GAGE1: variants seen among roughly 807,000 people sequenced by gnomAD.
The protein encoded by GAGE1 is G antigen 1.
GAGE1 carries 5 observed loss-of-function variants against 5.0 expected under a neutral mutation model. The observed-to-expected ratio is 1.00, with a 90% confidence interval of 0.52 to 2.11. The LOEUF (loss-of-function observed/expected upper bound fraction) is 2.11, where lower values mean the gene tolerates loss of function less well. Among genes scored for constraint, GAGE1 ranks in the 30% most tolerant of loss-of-function variants. GAGE1 has a pLI of 0.01. For synonymous variants in GAGE1, 6 were observed against 14.8 expected, an observed-to-expected ratio of 0.40 and a Z score of 1.37; for missense variants, 9 against 38.9, an observed-to-expected ratio of 0.23 and a Z score of 2.04.
At position 49,606,803 on chromosome X, in the gene GAGE1, A is replaced by C. The variant is rs1041015424; in HGVS notation, c.*788A>C. On this transcript the variant is annotated 3_prime_UTR_variant, in exon 5 of 5. Transcript: ENST00000381700. ...AATTGAGATTTCTTTGCTACTAAGAAAGTGAGCGGGCACTCTGCTTCATGT... is the reference window on the plus strand; with the variant it reads ...AATTGAGATTTCTTTGCTACTAAGACAGTGAGCGGGCACTCTGCTTCATGT... 3 of 112,159 alleles carry C rather than the reference A, an allele frequency of 2.7e-5. No homozygotes were observed. Among genetic ancestry groups the C allele is most frequent in the Non-Finnish European group, 5.6e-5 (3 of 53,310 alleles). 9.2% of individuals were successfully genotyped at this position (112,159 alleles called of 1,213,427 possible).
At chrX:49,602,233 G>A (rs2066614294) in intron 3 of GAGE1, among the ~76,000 whole-genome samples, 1 of 112,534 alleles carries the variant, frequency 8.9e-6, no homozygotes, top group Admixed American at 9.4e-5. Flanking sequence ...CAGATGCAAA[G>A]TTTTTGTGCC....
intron 4 of GAGE1, chrX:49,605,151 G>C (rs1346661472): frequency 1.2e-5 from 12 of 1,001,267 alleles, no homozygotes; most frequent in Non-Finnish European, 1.4e-5. Flanking sequence ...GTAAGTCAGT[G>C]ATGCTCAGCA....
At chrX:49,604,914 C>G (rs1317101344) in intron 4 of GAGE1, 4 of 344,528 alleles carry the variant, frequency 1.2e-5, no homozygotes, top group Non-Finnish European at 2.0e-5. Flanking sequence ...CTAAAGCAGT[C>G]CTCCCACCTC....
At chrX:49,604,420 A>C (rs1191894477) in intron 4 of GAGE1, among the ~76,000 whole-genome samples, 1 of 112,598 alleles carries the variant, frequency 8.9e-6, no homozygotes, top group Non-Finnish European at 1.9e-5. Flanking sequence ...ACTTGGTGTG[A>C]AAAATGCTGA....
In GAGE1 at chrX:49,606,037, G is replaced by T. The variant is rs1557132193; in HGVS notation, c.*22G>T. 3 of 1,039,322 alleles carry T rather than the reference G, an allele frequency of 2.9e-6. No individual in the cohort carries two copies. Among genetic ancestry groups the T allele is most frequent in the Non-Finnish European group, 3.8e-6 (3 of 798,427 alleles). 85.7% of individuals were successfully genotyped at this position (1,039,322 alleles called of 1,213,427 possible). ...TTAAAAGAAGACATGCTGAAATGTT[G>T]CAGGCTGCTCCTATGTTGGAAAATT... On this transcript the variant is annotated 3_prime_UTR_variant, in exon 5 of 5. Coordinates refer to ENST00000381700, the MANE Select transcript of GAGE1 (RefSeq NM_001040663.4).
chrX:49,604,184 C>T (rs1300380452), intron 4 of GAGE1, among the ~76,000 whole-genome samples: 5 of 112,530 alleles, frequency 4.4e-5, no homozygotes, highest in Non-Finnish European at 7.5e-5. Flanking sequence ...AGAGAGTTAA[C>T]AATACTGCCT....
chrX:49,606,795 T>C lies in GAGE1; in HGVS notation c.*780T>C, dbSNP rs2066662153. The C allele has an allele frequency of 8.9e-6, 1 of 112,246 alleles. No individual in the cohort carries two copies. The highest frequency in any genetic ancestry group is 3.7e-4 in the South Asian group (1 of 2,698). The allele number at this position is 112,246 out of a possible 1,213,427, so 9.3% of individuals were successfully genotyped here. A position where few individuals can be genotyped will look rare whatever the true frequency, so the allele number is the denominator to read the frequency against. On this transcript the variant is annotated 3_prime_UTR_variant, in exon 5 of 5. Coordinates refer to ENST00000381700, the MANE Select transcript of GAGE1 (RefSeq NM_001040663.4). ...AACATGTGAATTGAGATTTCTTTGCTACTAAGAAAGTGAGCGGGCACTCTG... is the reference window on the plus strand; with the variant it reads ...AACATGTGAATTGAGATTTCTTTGCCACTAAGAAAGTGAGCGGGCACTCTG...
At chrX:49,604,429 G>T (rs782213624) in intron 4 of GAGE1, among the ~76,000 whole-genome samples, 1 of 112,554 alleles carries the variant, frequency 8.9e-6, no homozygotes, top group East Asian at 2.8e-4. Flanking sequence ...GAAAAATGCT[G>T]AAGCACTCAT....
At chrX:49,604,735 A>G (rs1404428970) in intron 4 of GAGE1, among the ~76,000 whole-genome samples, 1 of 112,150 alleles carries the variant, frequency 8.9e-6, no homozygotes, top group Non-Finnish European at 1.9e-5. Context: ...ACTCTGCTTC[A>G]TCCTAGTTTT....
At chrX:49,604,197 T>G (rs1260782368) in intron 4 of GAGE1, among the ~76,000 whole-genome samples, 1 of 112,478 alleles carries the variant, frequency 8.9e-6, no homozygotes, top group Non-Finnish European at 1.9e-5. Context: ...TACTGCCTCT[T>G]TAGTAAAGAG....
At chrX:49,604,957 G>A (rs782310298) in intron 4 of GAGE1, 5 of 669,521 alleles carry the variant, frequency 7.5e-6, no homozygotes, top group East Asian at 7.3e-5. Flanking sequence ...ACATGCACAA[G>A]CCAACGTACC....
rs1292802576 is a variant in GAGE1 at position 49,606,919 on chromosome X, GT to G, written c.*910del. The G allele has an allele frequency of 3.6e-5, 4 of 111,943 alleles. No homozygotes were observed. The highest frequency in any genetic ancestry group is 2.8e-4 in the East Asian group (1 of 3,581). The allele number at this position is 111,943 out of a possible 1,213,427, so 9.2% of individuals were successfully genotyped here. A position where few individuals can be genotyped will look rare whatever the true frequency, so the allele number is the denominator to read the frequency against. ...AATCATCTATTGTGATTACCACAGG[GT>G]TTTTTCCCCCAGTAATCTGTTTATG... On this transcript the variant is annotated 3_prime_UTR_variant, in exon 5 of 5. Coordinates refer to ENST00000381700, the MANE Select transcript of GAGE1 (RefSeq NM_001040663.4).
intron 4 of GAGE1, chrX:49,605,170 A>C: frequency 1.0e-6 from 1 of 983,431 alleles, no homozygotes; most frequent in Middle Eastern, 3.4e-4. Context: ...CATGGGTGTG[A>C]GTAAGATGCC....
rs2066665398 is a variant in GAGE1 at position 49,607,433 on chromosome X, G to A, written c.*1418G>A. On this transcript the variant is annotated 3_prime_UTR_variant, in exon 5 of 5. Transcript: ENST00000381700. The stretch of plus-strand genomic sequence containing the variant: ...AGGTTCCTCTAGCTTCATAAAACGG[G>A]TTGGTATGTAAAACCTCTTTTTCCA... 1 of 111,584 alleles carries A rather than the reference G, an allele frequency of 9.0e-6. No individual in the cohort carries two copies. The highest frequency in any genetic ancestry group is 1.9e-5 in the Non-Finnish European group (1 of 53,150). The allele number at this position is 111,584 out of a possible 1,213,427, so 9.2% of individuals were successfully genotyped here.
At position 49,605,942 on chromosome X, in the gene GAGE1, A is replaced by AATT. The variant is rs782387091; in HGVS notation, c.332-49_332-48insTAT. 4.2e-5 allele frequency: 31 copies of AATT among 742,126 alleles called. No individual in the cohort carries two copies. In the African/African-American group the frequency reaches 7.1e-4, roughly 17 times the overall value. 61.2% of individuals were successfully genotyped at this position (742,126 alleles called of 1,213,427 possible). On this transcript the variant is annotated intron_variant, in intron 4 of 4. Transcript: ENST00000381700. ...TAATAATAATAATAATAATAATAAT[A>AATT]ATAATAATCTGTTGCTCTGTAATGT...
At chrX:49,605,568 A>T (rs1203546006) in intron 4 of GAGE1, among the ~76,000 whole-genome samples, 1 of 111,963 alleles carries the variant, frequency 8.9e-6, no homozygotes, top group Non-Finnish European at 1.9e-5. Flanking sequence ...AGTCCATTTA[A>T]TAAAACCCAA....
Position 49,606,171 on chromosome X carries a change from T to G in GAGE1, c.*156T>G, listed in dbSNP as rs1327076189. On this transcript the variant is annotated 3_prime_UTR_variant, in exon 5 of 5. Transcript: ENST00000381700. ...TTTGATGCTGTGAAATGTTTCATTC[T>G]TTGCAATTTTGTATTCTATCTCCTT... The G allele has an allele frequency of 6.6e-6, 2 of 303,791 alleles. No individual in the cohort carries two copies. The highest frequency in any genetic ancestry group is 1.2e-5 in the Non-Finnish European group (2 of 173,084). The allele number at this position is 303,791 out of a possible 1,213,427, so 25.0% of individuals were successfully genotyped here.
intron 4 of GAGE1, among the ~76,000 whole-genome samples, chrX:49,604,748 C>T (rs182355573): frequency 8.9e-6 from 1 of 111,778 alleles, no homozygotes; most frequent in Non-Finnish European, 1.9e-5. Context: ...CTAGTTTTTC[C>T]GTGTGGAGAG....
Position 49,606,006 on chromosome X carries a change from A to T in GAGE1, c.345A>T (p.Ser115=). 3.7e-6 allele frequency: 4 copies of T among 1,076,393 alleles called. No homozygotes were observed. The highest frequency in any genetic ancestry group is 4.9e-6 in the Non-Finnish European group (4 of 823,725). 88.7% of individuals were successfully genotyped at this position (1,076,393 alleles called of 1,213,427 possible). Residue 115 remains serine, a synonymous_variant, in exon 5 of 5, where the codon TCA becomes TCT. Transcript: ENST00000381700. ...GTTTTGTTTCAGGTGAAGGGCAATC[A>T]CAGTGTTAAAAGAAGACATGCTGAA... ...VKTPEEGEGQ[S]QC is the part of the protein sequence containing the mutation.
Sources: allele counts gnomAD v4.1 joint callset (sites outside exome capture counted in the v4.1 genomes callset), GRCh38; gene constraint gnomAD v4.1.1; transcripts MANE v1.5; gene names NCBI Gene and HGNC (gene_info 2026-07-23, HGNC 2026-07-21).